Variants in NFATC3 observed in about 807,000 individuals in gnomAD.
NFATC3 encodes nuclear factor of activated T-cells, cytoplasmic 3.
In NFATC3, 46 loss-of-function variants were observed where a neutral mutation model predicts 98.6. The ratio of observed to expected loss-of-function variants is 0.47; its 90% CI spans 0.37 to 0.60. NFATC3 has a LOEUF of 0.60. Among genes scored for constraint, NFATC3 ranks in the 20% least tolerant of loss-of-function variants. The pLI, the probability that NFATC3 is intolerant of heterozygous loss-of-function variation, is 0.00. For synonymous variants in NFATC3, 512 were observed against 472.2 expected, an observed-to-expected ratio of 1.08 and a Z score of -1.09; for missense variants, 1,256 against 1,295.5, an observed-to-expected ratio of 0.97 and a Z score of 0.47.
At chr16:68,119,882 AAATG>A (rs2036480797) in intron 1 of NFATC3, among the ~76,000 whole-genome samples, 1 of 152,176 alleles carries the variant, frequency 6.6e-6, no homozygotes, top group Non-Finnish European at 1.5e-5. Flanking sequence ...TTTTTTTGTT[AAATG>A]AATAAGTTGA....
chr16:68,090,132 C>G (rs529929643), intron 1 of NFATC3, among the ~76,000 whole-genome samples: 2 of 152,054 alleles, frequency 1.3e-5, no homozygotes, highest in Non-Finnish European at 2.9e-5. Flanking sequence ...ATCCAATTTA[C>G]TGTCTCTTAG....
intron 9 of NFATC3, among the ~76,000 whole-genome samples, chr16:68,216,061 T>C (rs1645921352): frequency 6.6e-6 from 1 of 151,962 alleles, no homozygotes; most frequent in Non-Finnish European, 1.5e-5. Context: ...ATGAGAAGGA[T>C]CTGGGGAGAC....
At chr16:68,177,231 A>T (rs1163218733) in intron 6 of NFATC3, among the ~76,000 whole-genome samples, 2 of 151,464 alleles carry the variant, frequency 1.3e-5, no homozygotes, top group African/African-American at 4.8e-5. Flanking sequence ...TATTTTTTTA[A>T]ATAGAGATGG....
At chr16:68,092,951 G>A (rs1004703640) in intron 1 of NFATC3, among the ~76,000 whole-genome samples, 1 of 152,194 alleles carries the variant, frequency 6.6e-6, no homozygotes, top group South Asian at 2.1e-4. Context: ...CTTCCATTTG[G>A]ATTTGTGTAT....
At chr16:68,181,590 A>G (rs2039951624) in intron 7 of NFATC3, 60 bp downstream of exon 7, 2 of 1,219,682 alleles carry the variant, frequency 1.6e-6, no homozygotes, top group South Asian at 1.2e-5. Flanking sequence ...AAATTGAATA[A>G]TGCTGCTTTA....
chr16:68,198,314 G>A lies in NFATC3; in HGVS notation c.3106+6539G>A, dbSNP rs60729535. 6.2e-3 allele frequency among the ~76,000 whole-genome samples: 942 copies of A among 152,168 alleles called. 11 individuals carry two copies. The highest frequency in any genetic ancestry group is 0.022 in the African/African-American group (899 of 41,498). Reference sequence around the variant, plus strand: ...GCCCAGGTGACAGAATGAGACCCTTGTCTCAAAAATAAAGTAGTTATAGAG... The same window carrying A: ...GCCCAGGTGACAGAATGAGACCCTTATCTCAAAAATAAAGTAGTTATAGAG... On this transcript the variant is annotated intron_variant, in intron 9 of 9. Coordinates refer to ENST00000346183, the MANE Select transcript of NFATC3 (RefSeq NM_173165.3).
intron 9 of NFATC3, among the ~76,000 whole-genome samples, chr16:68,193,167 T>C (rs1311455217): frequency 6.6e-6 from 1 of 152,200 alleles, no homozygotes; most frequent in Non-Finnish European, 1.5e-5. Flanking sequence ...TTTGGTATTA[T>C]AAATAATGTA....
chr16:68,158,869 C>T (rs761437156), intron 4 of NFATC3, among the ~76,000 whole-genome samples: 6 of 152,202 alleles, frequency 3.9e-5, no homozygotes, highest in Non-Finnish European at 8.8e-5. Flanking sequence ...AACAACTCTA[C>T]ATCTCATTGA....
intron 1 of NFATC3, among the ~76,000 whole-genome samples, chr16:68,087,625 C>G (rs1322444494): frequency 6.6e-6 from 1 of 152,090 alleles, no homozygotes; most frequent in Admixed American, 6.5e-5. Flanking sequence ...CAGTGTTGTG[C>G]AGCTACTGCT....
intron 5 of NFATC3, among the ~76,000 whole-genome samples, chr16:68,173,746 A>G (rs1598503775): frequency 6.6e-6 from 1 of 152,354 alleles, no homozygotes; most frequent in Middle Eastern, 3.4e-3. Context: ...TAGAAGAAAC[A>G]TATTAAACAT....
intron 4 of NFATC3, among the ~76,000 whole-genome samples, chr16:68,165,304 C>T (rs1426928306): frequency 6.7e-6 from 1 of 148,214 alleles, no homozygotes; most frequent in African/African-American, 2.5e-5. Context: ...TCTCCTGTGT[C>T]TTTCTTAAGA....
intron 9 of NFATC3, chr16:68,221,221 C>CTTG: frequency 1.2e-6 from 2 of 1,614,066 alleles, no homozygotes; most frequent in Non-Finnish European, 1.7e-6. Context: ...ATAATTTTGA[C>CTTG]TTGCTTCAGT....
chr16:68,184,318 A>G (rs1266483401), intron 8 of NFATC3, among the ~76,000 whole-genome samples: 12 of 152,186 alleles, frequency 7.9e-5, no homozygotes, highest in Admixed American at 7.9e-4. Context: ...CAGAAGGGAA[A>G]GAAGATAAAG....
At chr16:68,175,798 T>C (rs1056057967) in intron 6 of NFATC3, among the ~76,000 whole-genome samples, 5 of 152,150 alleles carry the variant, frequency 3.3e-5, no homozygotes, top group Admixed American at 3.3e-4. Context: ...TGACCTCAAG[T>C]GATCTGCCCA....
At position 68,085,562 on chromosome 16, in the gene NFATC3, G is replaced by A. The variant is rs2034317730; in HGVS notation, c.-120G>A. ...GGCCCCGCCCGGAAAGTTTGCCGTGGAGTCGCGACCTCTTGGCCCGCGCGG... is the reference window on the plus strand; with the variant it reads ...GGCCCCGCCCGGAAAGTTTGCCGTGAAGTCGCGACCTCTTGGCCCGCGCGG... On this transcript the variant is annotated 5_prime_UTR_variant, in exon 1 of 10. Transcript: ENST00000346183. The A allele has an allele frequency of 1.2e-6, 1 of 811,428 alleles. No individual in the cohort carries two copies. Among genetic ancestry groups the A allele is most frequent in the Admixed American group, 4.2e-5 (1 of 24,006 alleles). The allele number at this position is 811,428 out of a possible 1,614,324, so 50.3% of individuals were successfully genotyped here. A position where few individuals can be genotyped will look rare whatever the true frequency, so the allele number is the denominator to read the frequency against.
chr16:68,171,497 A>G (rs1419891651), intron 5 of NFATC3, among the ~76,000 whole-genome samples: 2 of 146,062 alleles, frequency 1.4e-5, no homozygotes, highest in African/African-American at 5.1e-5. Flanking sequence ...TTCTTGAGAC[A>G]GAGTCTCACT....
At chr16:68,088,547 T>C (rs2034528673) in intron 1 of NFATC3, among the ~76,000 whole-genome samples, 3 of 148,636 alleles carry the variant, frequency 2.0e-5, no homozygotes, top group African/African-American at 7.4e-5. Flanking sequence ...TATTTTTTCT[T>C]TTTTGAGGCA....
At chr16:68,173,624 A>G (rs2039564932) in intron 5 of NFATC3, among the ~76,000 whole-genome samples, 1 of 152,190 alleles carries the variant, frequency 6.6e-6, no homozygotes, top group Non-Finnish European at 1.5e-5. Flanking sequence ...GTGTTTGTCT[A>G]GTAGTAGTTT....
chr16:68,209,779 G>T, intron 9 of NFATC3: 1 of 441,296 alleles, frequency 2.3e-6, no homozygotes, highest in South Asian at 1.8e-5. Flanking sequence ...TGTAGTAGTT[G>T]AAGTACTTCA....
Sources: allele counts gnomAD v4.1 joint callset (sites outside exome capture counted in the v4.1 genomes callset), GRCh38; gene constraint gnomAD v4.1.1; transcripts MANE v1.5; gene names NCBI Gene and HGNC (gene_info 2026-07-23, HGNC 2026-07-21).